The following MX1 variants were observed in gnomAD, a reference collection of about 807,000 sequenced individuals.
MX1 encodes the protein MX dynamin like GTPase 1.
Under a neutral mutation model 66.4 loss-of-function variants are expected in MX1, and 66 were observed. The observed-to-expected ratio is 0.99, with a 90% CI of 0.82 to 1.22. The LOEUF (loss-of-function observed/expected upper bound fraction) is 1.22. Ranked by LOEUF, MX1 falls within the 50% of genes most tolerant of loss-of-function variation. The pLI is 0.00. For synonymous variants in MX1, 311 were observed against 318.1 expected (o/e 0.98, Z 0.24); for missense variants, 787 against 834.3 (o/e 0.94, Z 0.70).
chr21:41,449,067 T>G, intron 13 of MX1, 70 bp from the exon 14 acceptor site: 1 of 1,391,072 alleles, frequency 7.2e-7, no homozygotes. Context: ...TTTAGAATGG[T>G]ATTGTGTTTA....
chr21:41,443,040 T>C (rs1220070631), intron 10 of MX1, among the ~76,000 whole-genome samples: 1 of 152,254 alleles, frequency 6.6e-6, no homozygotes, highest in African/African-American at 2.4e-5. Context: ...TGGTGATGGT[T>C]GCATAATAGT....
At chr21:41,445,325 T>G in intron 11 of MX1, 123 bp from the exon 12 acceptor site, 8 of 1,201,972 alleles carry the variant, frequency 6.7e-6, no homozygotes, top group Non-Finnish European at 4.7e-6. Flanking sequence ...AAAGCTTCCT[T>G]TTAGAGGAAG....
intron 11 of MX1, among the ~76,000 whole-genome samples, chr21:41,444,138 TGC>T (rs1396772362): frequency 2.6e-5 from 4 of 152,102 alleles, no homozygotes; most frequent in Admixed American, 2.6e-4. Context: ...TAAAATCTTA[TGC>T]ACAAGCTACT....
chr21:41,443,202 C>G (rs1372225637), intron 10 of MX1, among the ~76,000 whole-genome samples: 1 of 152,232 alleles, frequency 6.6e-6, no homozygotes, highest in East Asian at 1.9e-4. Flanking sequence ...TCATGCTTCA[C>G]TGCTGCCTTT....
chr21:41,456,687 A>G (rs1225279325), intron 16 of MX1, among the ~76,000 whole-genome samples: 2 of 152,260 alleles, frequency 1.3e-5, no homozygotes, highest in Middle Eastern at 3.4e-3. Context: ...TAGACTGATA[A>G]AGATGACCCA....
chr21:41,452,518 C>T, intron 15 of MX1, 103 bp from the exon 16 acceptor site: 5 of 1,309,384 alleles, frequency 3.8e-6, no homozygotes, highest in South Asian at 1.5e-5. Flanking sequence ...TGCTGTTTCA[C>T]TCACGTTGGG....
rs762583564 is a variant in MX1 at position 41,449,129 on chromosome 21, T to C, written c.1274-8T>C. 20 of 1,572,668 alleles carry C rather than the reference T, an allele frequency of 1.3e-5. 1 individual carries two copies. The South Asian group carries it at 2.2e-4, about 18-fold the overall frequency. On this transcript the variant is annotated splice_polypyrimidine_tract_variant and splice_region_variant and intron_variant, in intron 13 of 16. Coordinates refer to ENST00000398598, the MANE Select transcript of MX1 (RefSeq NM_002462.5). ...AAATAATTTAGAGGGTTTTTTTTCCTGCTATAGGCCATAAAATTTTGAGTA... is the reference window on the plus strand; with the variant it reads ...AAATAATTTAGAGGGTTTTTTTTCCCGCTATAGGCCATAAAATTTTGAGTA...
At chr21:41,439,632 C>A in intron 7 of MX1, 62 bp from the exon 8 acceptor site, 1 of 1,499,156 alleles carries the variant, frequency 6.7e-7, no homozygotes, top group Non-Finnish European at 9.2e-7. Flanking sequence ...GAGTATTCAC[C>A]ATCATGAGAT....
At chr21:41,445,329 G>T (rs758056752) in intron 11 of MX1, 119 bp from the exon 12 acceptor site, 36 of 1,244,816 alleles carry the variant, frequency 2.9e-5, no homozygotes, top group Non-Finnish European at 3.8e-5. Context: ...CTTCCTTTTA[G>T]AGGAAGCCAG....
intron 10 of MX1, 106 bp downstream of exon 10, chr21:41,442,020 TGTGTGC>T (rs2090534016): frequency 1.6e-5 from 16 of 1,029,820 alleles, no homozygotes; most frequent in South Asian, 2.8e-5. Context: ...TGTGTGTGTG[TGTGTGC>T]GTGTGTGTGT....
chr21:41,438,032 A>G (rs1158269778), intron 7 of MX1, among the ~76,000 whole-genome samples: 1 of 152,382 alleles, frequency 6.6e-6, no homozygotes, highest in Non-Finnish European at 1.5e-5. Flanking sequence ...AGCCTCTGTG[A>G]GATGCATGGA....
chr21:41,447,649 G>C (rs2146293448), intron 13 of MX1, among the ~76,000 whole-genome samples: 1 of 152,312 alleles, frequency 6.6e-6, no homozygotes, highest in South Asian at 2.1e-4. Context: ...ATCACTGATG[G>C]GTGATGGATG....
chr21:41,436,914 TC>T, intron 6 of MX1, 100 bp from the exon 7 acceptor site: 3 of 1,411,350 alleles, frequency 2.1e-6, no homozygotes, highest in Non-Finnish European at 2.9e-6. Flanking sequence ...TTTAAATGTC[TC>T]CCCATATGAT....
Position 41,441,257 on chromosome 21 carries a change from C to G in MX1, c.730+232C>G. On this transcript the variant is annotated intron_variant, in intron 9 of 16. Transcript: ENST00000398598. This position sits in a 1 kb window ranked among gnomAD's most constrained non-coding sequence, Gnocchi z 4.0. ...CCTCCACTAAGACCTGCTAAGGGAG[C>G]AGGTTTGGTGCCCACCAAGGCCAAG... 1 of 558,938 alleles carries G rather than the reference C, an allele frequency of 1.8e-6. No homozygotes were observed. The highest frequency in any genetic ancestry group is 3.0e-6 in the Non-Finnish European group (1 of 328,966). 34.6% of individuals were successfully genotyped at this position (558,938 alleles called of 1,614,324 possible).
rs370594768 is a variant in MX1 at position 41,446,073 on chromosome 21, G to A, written c.1205G>A (p.Arg402Gln). 8 of 1,613,986 alleles carry A rather than the reference G, an allele frequency of 5.0e-6. No homozygotes were observed. Among genetic ancestry groups the A allele is most frequent in the East Asian group, 4.5e-5 (2 of 44,894 alleles). ...GAAACTGTAGGGGAGGAAGACATTC[G>A]GCTGTTTACCAGACTCCGACACGAG... is the stretch of plus-strand genomic sequence containing the variant. ...GEETVGEEDIRLFTRLRHEFH... is the reference protein window; with the variant it reads ...GEETVGEEDIQLFTRLRHEFH... Residue 402 changes from arginine to glutamine, a missense_variant, in exon 13 of 17, where the codon CGG (arginine) becomes CAG (glutamine). Transcript: ENST00000398598.
intron 3 of MX1, chr21:41,428,550 A>G (rs1254642127): frequency 6.6e-6 from 1 of 152,234 alleles, no homozygotes; most frequent in African/African-American, 2.4e-5. Flanking sequence ...AAGCTTTCAG[A>G]AATCTCACTG....
intron 8 of MX1, among the ~76,000 whole-genome samples, 193 bp from the exon 9 acceptor site, chr21:41,440,693 TA>T (rs1247754101): frequency 6.6e-6 from 1 of 152,184 alleles, no homozygotes; most frequent in Non-Finnish European, 1.5e-5. Context: ...CTGCCACAGA[TA>T]ATTTATTTTC....
intron 11 of MX1, 118 bp downstream of exon 11, chr21:41,443,984 GCA>G: frequency 1.0e-6 from 1 of 981,822 alleles, no homozygotes; most frequent in Non-Finnish European, 1.6e-6. Flanking sequence ...TTGTTAAGAT[GCA>G]GTTTCAGATT....
chr21:41,443,543 G>A (rs2090575907), intron 10 of MX1: 4 of 533,622 alleles, frequency 7.5e-6, no homozygotes, highest in Non-Finnish European at 1.0e-5. Flanking sequence ...CAGACACCAT[G>A]ATACACATTT....
Sources: gnomAD v4.1 joint callset for allele counts (sites outside exome capture counted in the v4.1 genomes callset) on GRCh38, gnomAD v4.1.1 for gene constraint, Gnocchi (gnomAD v3.1) non-coding constraint, MANE v1.5 for transcripts, NCBI Gene and HGNC (gene_info 2026-07-23, HGNC 2026-07-21) for gene names.